The following ABRAXAS2 variants were observed in gnomAD, a reference collection of about 807,000 sequenced individuals.
ABRAXAS2 encodes the protein abraxas 2, BRISC complex subunit.
A neutral mutation model predicts 49.0 loss-of-function variants in ABRAXAS2; 23 were observed. The observed-to-expected ratio is 0.47, with a 90% CI of 0.34 to 0.66. The LOEUF (loss-of-function observed/expected upper bound fraction) is 0.66, where lower values mean the gene tolerates loss of function less well. Ranked by LOEUF, ABRAXAS2 falls within the 30% of genes least tolerant of loss-of-function variation. The pLI is 0.01. For missense variants in ABRAXAS2, 443 were observed against 511.9 expected (o/e 0.87, Z 1.30); for synonymous variants, 168 against 180.2 (o/e 0.93, Z 0.54).
At chr10:124,830,168 G>A (rs878924701) in intron 7 of ABRAXAS2, among the ~76,000 whole-genome samples, 5 of 152,168 alleles carry the variant, frequency 3.3e-5, no homozygotes, top group African/African-American at 1.2e-4. Flanking sequence ...GCTTTGGCCC[G>A]GCATGGTGGC....
At chr10:124,820,121 T>A (rs1292805472) in intron 4 of ABRAXAS2, among the ~76,000 whole-genome samples, 1 of 152,200 alleles carries the variant, frequency 6.6e-6, no homozygotes, top group Non-Finnish European at 1.5e-5. Context: ...TGTTTAACAG[T>A]GTCAGGAGTA....
At chr10:124,828,714 G>A (rs776597720) in intron 5 of ABRAXAS2, 42 bp from the exon 6 acceptor site, 2 of 1,582,446 alleles carry the variant, frequency 1.3e-6, no homozygotes, top group South Asian at 1.1e-5. Context: ...GAATATGATA[G>A]AATGGTACAT....
At chr10:124,806,246 C>T (rs1950742770) in intron 1 of ABRAXAS2, among the ~76,000 whole-genome samples, 1 of 150,334 alleles carries the variant, frequency 6.7e-6, no homozygotes, top group Non-Finnish European at 1.5e-5. Flanking sequence ...GTGGAGCTTG[C>T]AGTTAGCAGA....
At chr10:124,825,420 T>G (rs1414825830) in intron 4 of ABRAXAS2, among the ~76,000 whole-genome samples, 1 of 152,138 alleles carries the variant, frequency 6.6e-6, no homozygotes, top group African/African-American at 2.4e-5. Flanking sequence ...TGGGAAGATA[T>G]GTTTTATGTT....
chr10:124,831,842 C>CTTTTTT (rs71029219), intron 8 of ABRAXAS2, among the ~76,000 whole-genome samples: 6 of 37,718 alleles, frequency 1.6e-4, no homozygotes, highest in African/African-American at 2.2e-4. Flanking sequence ...TGTGTCCTGT[C>CTTTTTT]TTTTTTTTTT....
At position 124,834,916 on chromosome 10, in the gene ABRAXAS2, G is replaced by A. The variant is rs557261658; in HGVS notation, c.1193G>A (p.Arg398Gln). Reference sequence around the variant, plus strand: ...GAATACTCACATTCAAAGGATTCTCGACCCATGGCACATCCCGACGAGGAC... The same window carrying A: ...GAATACTCACATTCAAAGGATTCTCAACCCATGGCACATCCCGACGAGGAC... ...NSEYSHSKDS[R>Q]PMAHPDEDPR... The change falls in exon 9 of 9, where the codon CGA (arginine) becomes CAA (glutamine). Residue 398 changes from arginine (R) to glutamine (Q), a missense_variant. This residue lies in a region of ABRAXAS2 where 230 missense variants were observed against 237.0 expected (regional missense o/e 0.97). Coordinates refer to ENST00000298492, the MANE Select transcript of ABRAXAS2 (RefSeq NM_032182.4). 101 of 1,613,916 alleles carry A rather than the reference G, an allele frequency of 6.3e-5. No homozygotes were observed. The highest frequency in any genetic ancestry group is 5.1e-4 in the East Asian group (23 of 44,874).
intron 2 of ABRAXAS2, among the ~76,000 whole-genome samples, chr10:124,812,299 C>T (rs1423061069): frequency 6.6e-6 from 1 of 152,086 alleles, no homozygotes; most frequent in Non-Finnish European, 1.5e-5. Context: ...ACCTCATGGA[C>T]AAAACGTTTA....
Position 124,834,814 on chromosome 10 carries a change from C to T in ABRAXAS2, c.1091C>T (p.Ala364Val), listed in dbSNP as rs756710854. ...GCTGACCTTCCTCCTCCCCAAAGAG[C>T]AGCTGGAGACAGTGGTGAGGATTCA... Reference protein sequence around the residue: ...SGADLPPPQRAAGDSGEDSDD... With the variant: ...SGADLPPPQRVAGDSGEDSDD... Residue 364 changes from alanine (A) to valine (V), a missense_variant, in exon 9 of 9, where the codon GCA (alanine) becomes GTA (valine). Around this residue, in one of 3 missense-constraint regions of ABRAXAS2, gnomAD observed 230 missense variants for 237.0 expected, o/e 0.97. Coordinates refer to ENST00000298492, the MANE Select transcript of ABRAXAS2 (RefSeq NM_032182.4). 5.6e-6 allele frequency: 9 copies of T among 1,614,120 alleles called. No individual in the cohort carries two copies. The highest frequency in any genetic ancestry group is 3.3e-4 in the Middle Eastern group (2 of 6,062).
Position 124,834,568 on chromosome 10 carries a change from G to T in ABRAXAS2, c.845G>T (p.Arg282Leu). ...AGCTTGGACCCAGCGTTCAGTCCTC[G>T]GATGCCGTCCTCTGGGTTTGCAGCT... is the stretch of plus-strand genomic sequence containing the variant. Reference protein sequence around the residue: ...SESLDPAFSPRMPSSGFAAEG... With the variant: ...SESLDPAFSPLMPSSGFAAEG... The change falls in exon 9 of 9, where the codon CGG (arginine) becomes CTG (leucine). Residue 282 changes from arginine to leucine, a missense_variant. Arg to Leu is a moderately radical substitution (Grantham distance 102). Coordinates refer to ENST00000298492, the MANE Select transcript of ABRAXAS2 (RefSeq NM_032182.4). The T allele has an allele frequency of 6.2e-7, 1 of 1,614,120 alleles. No homozygotes were observed. Among genetic ancestry groups the T allele is most frequent in the Non-Finnish European group, 8.5e-7 (1 of 1,180,012 alleles).
At chr10:124,832,574 G>A (rs1950939965) in intron 8 of ABRAXAS2, among the ~76,000 whole-genome samples, 1 of 152,222 alleles carries the variant, frequency 6.6e-6, no homozygotes, top group Non-Finnish European at 1.5e-5. Flanking sequence ...GCTGGGCGCG[G>A]TGGCTCACGC....
At chr10:124,831,232 C>A in intron 7 of ABRAXAS2, 117 bp from the exon 8 acceptor site, 2 of 675,836 alleles carry the variant, frequency 3.0e-6, no homozygotes, top group South Asian at 1.7e-5. Context: ...CCTTATGTGG[C>A]TGCTTTTTAA....
intron 5 of ABRAXAS2, among the ~76,000 whole-genome samples, chr10:124,828,082 TAGA>T (rs1176547495): frequency 1.3e-5 from 2 of 152,224 alleles, no homozygotes; most frequent in Non-Finnish European, 2.9e-5. Context: ...GGGTTGTCTG[TAGA>T]AGGAGGTGCT....
chr10:124,834,561 A>G lies in ABRAXAS2; in HGVS notation c.838A>G (p.Ser280Gly), dbSNP rs779858925. The change falls in exon 9 of 9, where the codon AGT becomes GGT. Residue 280 changes from serine to glycine, a missense_variant. Transcript: ENST00000298492. Reference sequence around the variant, plus strand: ...GTCTGAAAGCTTGGACCCAGCGTTCAGTCCTCGGATGCCGTCCTCTGGGTT... The same window carrying G: ...GTCTGAAAGCTTGGACCCAGCGTTCGGTCCTCGGATGCCGTCCTCTGGGTT... ...MPSESLDPAF[S>G]PRMPSSGFAA... 5 of 1,614,184 alleles carry G rather than the reference A, an allele frequency of 3.1e-6. No homozygotes were observed. The South Asian group carries it at 3.3e-5, about 11-fold the overall frequency.
Position 124,834,616 on chromosome 10 carries a change from A to G in ABRAXAS2, c.893A>G (p.Asp298Gly). Residue 298 changes from aspartate (D) to glycine (G), a missense_variant, in exon 9 of 9, where the codon GAT becomes GGT. Transcript: ENST00000298492. ...GCTGAAGGCAGAAGTACACTTGGAG[A>G]TGCAGAGGCCTCGGATCCTCCTCCC... ...FAAEGRSTLG[D>G]AEASDPPPPY... The G allele has an allele frequency of 6.2e-7, 1 of 1,614,156 alleles. No individual in the cohort carries two copies. The highest frequency in any genetic ancestry group is 1.1e-5 in the South Asian group (1 of 91,076).
In ABRAXAS2 at chr10:124,836,491, C is replaced by A. The variant is rs909353849; in HGVS notation, c.*1520C>A. 2 of 152,434 alleles carry A rather than the reference C, an allele frequency of 1.3e-5. No homozygotes were observed. The highest frequency in any genetic ancestry group is 4.8e-5 in the African/African-American group (2 of 41,456). The allele number at this position is 152,434 out of a possible 1,614,324, so 9.4% of individuals were successfully genotyped here. ...AATGTGTTCCAGTTGTTATCAGCTACCTACTACGCAGCTTCAGCGCCAGTG... is the reference window on the plus strand; with the variant it reads ...AATGTGTTCCAGTTGTTATCAGCTAACTACTACGCAGCTTCAGCGCCAGTG... On this transcript the variant is annotated 3_prime_UTR_variant, in exon 9 of 9. Transcript: ENST00000298492.
intron 4 of ABRAXAS2, among the ~76,000 whole-genome samples, chr10:124,822,594 AC>A (rs1278983450): frequency 6.6e-6 from 1 of 152,138 alleles, no homozygotes; most frequent in African/African-American, 2.4e-5. Flanking sequence ...GGAGTTCAAG[AC>A]CTGCCTGGCT....
chr10:124,809,872 CCT>C (rs1950774631), intron 2 of ABRAXAS2, among the ~76,000 whole-genome samples: 1 of 151,682 alleles, frequency 6.6e-6, no homozygotes, highest in Admixed American at 6.6e-5. Context: ...CCTGCCTCAG[CCT>C]CCCTAGTAGC....
chr10:124,804,221 C>G (rs111596652), intron 1 of ABRAXAS2, among the ~76,000 whole-genome samples: 1 of 152,172 alleles, frequency 6.6e-6, no homozygotes, highest in Non-Finnish European at 1.5e-5. Context: ...CTTGATGTCA[C>G]TGTTGAGTTA....
intron 2 of ABRAXAS2, among the ~76,000 whole-genome samples, chr10:124,816,345 T>C (rs1950825159): frequency 6.6e-6 from 1 of 152,214 alleles, no homozygotes; most frequent in Non-Finnish European, 1.5e-5. Context: ...AATGTGCTCA[T>C]CATACATGGA....
Sources: gnomAD v4.1 joint callset for allele counts (sites outside exome capture counted in the v4.1 genomes callset) on GRCh38, gnomAD v4.1.1 for gene constraint, gnomAD v4.1.1 regional missense constraint, MANE v1.5 for transcripts, NCBI Gene and HGNC (gene_info 2026-07-23, HGNC 2026-07-21) for gene names.